Variants in TAS2R1 observed in about 807,000 individuals in gnomAD.
The protein encoded by TAS2R1 is taste receptor type 2 member 1.
For synonymous variants in TAS2R1, 141 were observed against 134.2 expected, an observed-to-expected ratio of 1.05 and a Z score of -0.35; for missense variants, 370 against 353.4, an observed-to-expected ratio of 1.05 and a Z score of -0.38.
chr5:9,839,383 A>G, the TAS2R1 span, among the ~76,000 whole-genome samples: 4 of 152,326 alleles, frequency 2.6e-5, no homozygotes, highest in Admixed American at 2.6e-4. Context: ...AACAAAATAC[A>G]CTGAAAGACA....
the TAS2R1 span, among the ~76,000 whole-genome samples, chr5:9,839,395 C>A: frequency 6.6e-6 from 1 of 152,122 alleles, no homozygotes; most frequent in South Asian, 2.1e-4. Context: ...TGAAAGACAA[C>A]CTTTAGTCTT....
intron 1 of TAS2R1, among the ~76,000 whole-genome samples, chr5:9,711,699 A>T (rs1372442573): frequency 1.3e-5 from 2 of 152,024 alleles, no homozygotes; most frequent in Non-Finnish European, 2.9e-5. Context: ...ATGGAGTCTC[A>T]CTCTGTGGCC....
At chr5:9,902,055 G>A in the TAS2R1 span, among the ~76,000 whole-genome samples, 6 of 152,020 alleles carry the variant, frequency 3.9e-5, no homozygotes, top group South Asian at 4.2e-4. Context: ...CAGATATCAC[G>A]GGCAAAGCAT....
intron 1 of TAS2R1, among the ~76,000 whole-genome samples, chr5:9,679,895 A>T (rs994958671): frequency 9.9e-5 from 15 of 152,200 alleles, no homozygotes; most frequent in African/African-American, 3.4e-4. Context: ...AGCAATGAGG[A>T]CATGTAGCAC....
chr5:9,798,026 C>T, the TAS2R1 span, among the ~76,000 whole-genome samples: 1 of 152,088 alleles, frequency 6.6e-6, no homozygotes, highest in Non-Finnish European at 1.5e-5. Context: ...GCCATGGAAG[C>T]ATGGAACATC....
chr5:9,666,409 C>CT (rs1159314196), intron 1 of TAS2R1, among the ~76,000 whole-genome samples: 1 of 152,128 alleles, frequency 6.6e-6, no homozygotes, highest in African/African-American at 2.4e-5. Flanking sequence ...CCAACCACAG[C>CT]TATGCTCTTA....
chr5:9,770,930 T>C, the TAS2R1 span, among the ~76,000 whole-genome samples: 2 of 152,312 alleles, frequency 1.3e-5, no homozygotes, highest in Non-Finnish European at 2.9e-5. Context: ...TCTAGTACTA[T>C]GTGGAATAAC....
chr5:9,896,920 G>A, the TAS2R1 span, among the ~76,000 whole-genome samples: 18 of 152,156 alleles, frequency 1.2e-4, no homozygotes, highest in East Asian at 3.9e-4. Context: ...ATTTGGCTCC[G>A]ATCCCCAAGA....
the TAS2R1 span, among the ~76,000 whole-genome samples, chr5:9,741,736 C>G: frequency 6.6e-6 from 1 of 152,034 alleles, no homozygotes; most frequent in African/African-American, 2.4e-5. Context: ...CCCAGGTGAC[C>G]GGGACACAGT....
At chr5:9,868,368 T>A in the TAS2R1 span, among the ~76,000 whole-genome samples, 1 of 152,220 alleles carries the variant, frequency 6.6e-6, no homozygotes, top group African/African-American at 2.4e-5. Context: ...TTGACTTCTG[T>A]GCACTCTCAA....
At chr5:9,900,210 A>T in the TAS2R1 span, among the ~76,000 whole-genome samples, 1 of 152,202 alleles carries the variant, frequency 6.6e-6, no homozygotes, top group South Asian at 2.1e-4. Flanking sequence ...TCATTGATCA[A>T]ATGGAGATTA....
chr5:9,774,736 C>T, the TAS2R1 span, among the ~76,000 whole-genome samples: 1 of 152,258 alleles, frequency 6.6e-6, no homozygotes, highest in South Asian at 2.1e-4. Flanking sequence ...GAATAATTCT[C>T]TGGATTACCA....
At chr5:9,710,085 C>T (rs1331126538) in intron 1 of TAS2R1, among the ~76,000 whole-genome samples, 1 of 152,264 alleles carries the variant, frequency 6.6e-6, no homozygotes, top group East Asian at 1.9e-4. Context: ...TAACATCTTG[C>T]CAACCAGGTC....
intron 1 of TAS2R1, among the ~76,000 whole-genome samples, chr5:9,681,000 T>C (rs1740983749): frequency 6.6e-6 from 1 of 152,130 alleles, no homozygotes; most frequent in Admixed American, 6.5e-5. Flanking sequence ...AGGCGGGGGC[T>C]GCAATGAGCT....
At chr5:9,631,990 GT>G (rs527910534), upstream of TAS2R1, among the ~76,000 whole-genome samples, 3 of 152,190 alleles carry the variant, frequency 2.0e-5, no homozygotes, top group Non-Finnish European at 2.9e-5. Context: ...GATGAGCCTT[GT>G]TTTCCCTCCA....
the TAS2R1 span, among the ~76,000 whole-genome samples, chr5:9,810,953 G>T: frequency 6.6e-6 from 1 of 152,146 alleles, no homozygotes; most frequent in African/African-American, 2.4e-5. Flanking sequence ...CCCCAGCTAT[G>T]CCCCAAGACT....
Position 9,629,229 on chromosome 5 carries a change from T to C in TAS2R1, c.804A>G (p.Ile268Met), listed in dbSNP as rs377229958. The change falls in exon 1 of 1, where the codon ATA (isoleucine) becomes ATG (methionine). Residue 268 changes from isoleucine (I) to methionine (M), a missense_variant. Ile to Met is a conservative substitution (Grantham distance 10, BLOSUM62 1). Transcript: ENST00000382492. ...IFLFFILVIGIYPSGHSLILI... is the reference protein window; with the variant it reads ...IFLFFILVIGMYPSGHSLILI... ...AGATGAGAGAGTGTCCAGAAGGGTA[T>C]ATACCAATCACAAGGATGAAGAACA... 1.5e-5 allele frequency: 24 copies of C among 1,613,402 alleles called. No individual in the cohort carries two copies. The highest frequency in any genetic ancestry group is 1.9e-5 in the Non-Finnish European group (23 of 1,179,878).
At chr5:9,804,500 A>C in the TAS2R1 span, among the ~76,000 whole-genome samples, 1 of 152,168 alleles carries the variant, frequency 6.6e-6, no homozygotes, top group Non-Finnish European at 1.5e-5. Flanking sequence ...AGGCCACAAA[A>C]CAAGTCTCAA....
chr5:9,860,983 C>A, the TAS2R1 span, among the ~76,000 whole-genome samples: 1 of 141,864 alleles, frequency 7.0e-6, no homozygotes, highest in South Asian at 2.3e-4. Flanking sequence ...TTTTTGCTCA[C>A]TCCATAGCAT....
Sources: allele counts gnomAD v4.1 joint callset (sites outside exome capture counted in the v4.1 genomes callset), GRCh38; gene constraint gnomAD v4.1.1; transcripts MANE v1.5; gene names NCBI Gene and HGNC (gene_info 2026-07-23, HGNC 2026-07-21).